The following C5 variants were observed in gnomAD, a reference collection of about 807,000 sequenced individuals.
C5 encodes the protein complement C5.
Under a neutral mutation model 218.8 loss-of-function variants are expected in C5, and 140 were observed. The observed-to-expected ratio is 0.64, with a 90% CI of 0.56 to 0.74. The LOEUF is 0.74. Ranked by LOEUF, C5 falls within the 30% of genes least tolerant of loss-of-function variation. C5 has a pLI of 0.00. For synonymous variants in C5, 614 were observed against 682.3 expected, an observed-to-expected ratio of 0.90 and a Z score of 1.56; for missense variants, 1,700 against 1,969.6, an observed-to-expected ratio of 0.86 and a Z score of 2.59.
At chr9:121,040,999 A>C (rs1320851766) in intron 3 of C5, among the ~76,000 whole-genome samples, 1 of 137,922 alleles carries the variant, frequency 7.3e-6, no homozygotes, top group Admixed American at 8.0e-5. Context: ...CCCAGGCTGG[A>C]GTGCAGTGGC....
At chr9:120,988,287 C>T (rs757784329) in intron 25 of C5, among the ~76,000 whole-genome samples, 1 of 152,118 alleles carries the variant, frequency 6.6e-6, no homozygotes, top group African/African-American at 2.4e-5. Context: ...GGGGGAGATA[C>T]ACAATAGTGG....
chr9:120,997,478 T>TCC, intron 21 of C5, 69 bp downstream of exon 21: 2 of 1,125,604 alleles, frequency 1.8e-6, no homozygotes. Flanking sequence ...ATTGTTTCTC[T>TCC]CCCCCCCCTT....
chr9:121,036,165 T>C (rs555587017), intron 4 of C5, among the ~76,000 whole-genome samples: 2 of 152,330 alleles, frequency 1.3e-5, no homozygotes, highest in African/African-American at 4.8e-5. Context: ...TCGTAATTAA[T>C]TGTAAAACTT....
chr9:120,969,017 T>C (rs1218966959), intron 33 of C5, 44 bp downstream of exon 33: 4 of 1,508,884 alleles, frequency 2.7e-6, no homozygotes, highest in Non-Finnish European at 3.7e-6. Context: ...TTAACAAAAA[T>C]GAGAACTTGG....
At chr9:121,018,733 G>A (rs1456336523) in intron 12 of C5, among the ~76,000 whole-genome samples, 2 of 79,634 alleles carry the variant, frequency 2.5e-5, no homozygotes, top group African/African-American at 4.3e-5. Flanking sequence ...AAGAAGGAAG[G>A]AAGGAAGGAA....
At chr9:121,006,847 T>G in intron 19 of C5, 57 bp downstream of exon 19, 3 of 1,176,198 alleles carry the variant, frequency 2.6e-6, no homozygotes, top group Non-Finnish European at 3.8e-6. Context: ...TAACAAAGAA[T>G]TACATCTTGC....
chr9:120,968,569 G>T (rs2046886228), intron 33 of C5, among the ~76,000 whole-genome samples: 1 of 152,162 alleles, frequency 6.6e-6, no homozygotes. Context: ...GTTGGGAGAG[G>T]GTTTAACATC....
chr9:121,020,467 A>G (rs1289993506), intron 11 of C5, among the ~76,000 whole-genome samples: 2 of 152,146 alleles, frequency 1.3e-5, no homozygotes, highest in African/African-American at 2.4e-5. Context: ...CTGAAATGTC[A>G]TGGTAAGTTG....
intron 3 of C5, among the ~76,000 whole-genome samples, chr9:121,039,551 C>T (rs1332764832): frequency 6.6e-6 from 1 of 152,090 alleles, no homozygotes; most frequent in Non-Finnish European, 1.5e-5. Context: ...GCTGGAGAAT[C>T]GCTTGAACCT....
intron 36 of C5, 58 bp downstream of exon 36, chr9:120,962,613 T>C (rs1158819024): frequency 2.3e-6 from 3 of 1,295,568 alleles, no homozygotes; most frequent in East Asian, 4.6e-5. Flanking sequence ...GATTTCTAAA[T>C]GTTCTGGAAA....
At chr9:121,012,568 T>A (rs1360656871) in intron 17 of C5, among the ~76,000 whole-genome samples, 1 of 152,132 alleles carries the variant, frequency 6.6e-6, no homozygotes, top group Admixed American at 6.6e-5. Context: ...ATCTGAATCT[T>A]AGACACTGTA....
At chr9:121,055,723 T>G in the C5 span, among the ~76,000 whole-genome samples, 1 of 152,142 alleles carries the variant, frequency 6.6e-6, no homozygotes, top group Non-Finnish European at 1.5e-5. Flanking sequence ...TGAATAAACA[T>G]TAGCTGCAGG....
the C5 span, chr9:121,074,744 G>A: frequency 2.2e-6 from 1 of 452,408 alleles, no homozygotes; most frequent in South Asian, 1.6e-5. Context: ...CTCTGCACCC[G>A]ACACTTCACC....
chr9:120,998,361 T>C (rs2047134922), intron 20 of C5, among the ~76,000 whole-genome samples: 1 of 152,256 alleles, frequency 6.6e-6, no homozygotes, highest in Non-Finnish European at 1.5e-5. Flanking sequence ...ACAGAGCTCA[T>C]GCTGTTGTGA....
In C5 at chr9:120,997,537, T is replaced by G; in HGVS notation, c.2790+10A>C. The stretch of plus-strand genomic sequence containing the variant: ...TTTAAGCATAAGTTATTGAAGCATG[T>G]TTTTCTTACCACCACTCGTAATGTT... On this transcript the variant is annotated intron_variant, in intron 21 of 40. Transcript: ENST00000223642. 1 of 1,586,046 alleles carries G rather than the reference T, an allele frequency of 6.3e-7. No individual in the cohort carries two copies. Among genetic ancestry groups the G allele is most frequent in the Non-Finnish European group, 8.7e-7 (1 of 1,154,988 alleles).
intron 8 of C5, among the ~76,000 whole-genome samples, chr9:121,026,877 T>A (rs985778735): frequency 6.6e-6 from 1 of 151,810 alleles, no homozygotes; most frequent in African/African-American, 2.4e-5. Flanking sequence ...GAATAAATGA[T>A]ATTGTAAAGA....
At chr9:121,026,525 G>T (rs1697182731) in intron 8 of C5, among the ~76,000 whole-genome samples, 2 of 152,140 alleles carry the variant, frequency 1.3e-5, no homozygotes, top group Non-Finnish European at 2.9e-5. Flanking sequence ...TTTTGAACAG[G>T]ATAATTCTTT....
At chr9:121,037,553 C>T (rs2047538470) in intron 4 of C5, among the ~76,000 whole-genome samples, 1 of 152,096 alleles carries the variant, frequency 6.6e-6, no homozygotes. Context: ...CCTCGTGATC[C>T]ACCTGCCTCG....
intron 14 of C5, among the ~76,000 whole-genome samples, chr9:121,016,843 G>A (rs558780200): frequency 3.3e-5 from 5 of 152,084 alleles, no homozygotes; most frequent in African/African-American, 7.2e-5. Flanking sequence ...AGGCTTATTC[G>A]TTCTCCGAGT....
Sources: gnomAD v4.1 joint callset for allele counts (sites outside exome capture counted in the v4.1 genomes callset) on GRCh38, gnomAD v4.1.1 for gene constraint, MANE v1.5 for transcripts, NCBI Gene and HGNC (gene_info 2026-07-23, HGNC 2026-07-21) for gene names.